DHRSX: variants seen among roughly 807,000 people sequenced by gnomAD.
DHRSX encodes the protein dehydrogenase/reductase X-linked.
Under a neutral mutation model 34.0 loss-of-function variants are expected in DHRSX, and 31 were observed. The ratio of observed to expected loss-of-function variants is 0.91; its 90% confidence interval spans 0.69 to 1.23. The LOEUF (loss-of-function observed/expected upper bound fraction) is 1.23, where lower values mean the gene tolerates loss of function less well. DHRSX is among the 50% of genes most tolerant of loss of function. The pLI is 0.00. For synonymous variants in DHRSX, 201 were observed against 183.8 expected, an observed-to-expected ratio of 1.09 and a Z score of -0.76; for missense variants, 414 against 428.1, an observed-to-expected ratio of 0.97 and a Z score of 0.29.
chrX:2,366,421 C>T (rs1214196128), intron 3 of DHRSX, among the ~76,000 whole-genome samples: 2 of 149,524 alleles, frequency 1.3e-5, no homozygotes. Flanking sequence ...GCCTGGGCAA[C>T]AAGAGCGAAA....
chrX:2,475,169 G>A (rs962074290), intron 1 of DHRSX, among the ~76,000 whole-genome samples: 1 of 151,716 alleles, frequency 6.6e-6, no homozygotes, highest in African/African-American at 2.4e-5. Flanking sequence ...ATGTGGCTAA[G>A]GGACCTCCGC....
At chrX:2,347,960 T>C (rs1036383663) in intron 3 of DHRSX, among the ~76,000 whole-genome samples, 6 of 152,108 alleles carry the variant, frequency 3.9e-5, no homozygotes, top group Non-Finnish European at 8.8e-5. Context: ...TCTGCTTCAC[T>C]ATAGAGCTGC....
intron 2 of DHRSX, 106 bp downstream of exon 2, chrX:2,425,091 G>A: frequency 3.6e-6 from 3 of 835,720 alleles, no homozygotes; most frequent in Admixed American, 2.3e-5. Context: ...AGTGAGCCAA[G>A]ATTGCACCAC....
At chrX:2,428,023 CAT>C (rs1292600519) in intron 1 of DHRSX, among the ~76,000 whole-genome samples, 6 of 152,164 alleles carry the variant, frequency 3.9e-5, no homozygotes, top group Admixed American at 6.5e-5. Flanking sequence ...TCAAGTACCA[CAT>C]GTTATCCCTT....
intron 1 of DHRSX, among the ~76,000 whole-genome samples, chrX:2,445,110 T>G (rs981029610): frequency 6.6e-6 from 1 of 152,056 alleles, no homozygotes; most frequent in East Asian, 1.9e-4. Flanking sequence ...TGAGCCAAGA[T>G]CGCACCACTG....
At chrX:2,269,825 A>T (rs971818083) in intron 4 of DHRSX, among the ~76,000 whole-genome samples, 1 of 152,008 alleles carries the variant, frequency 6.6e-6, no homozygotes, top group African/African-American at 2.4e-5. Flanking sequence ...CAGGCGTGAG[A>T]CACTGCACCC....
chrX:2,286,088 G>A (rs1397876054), intron 4 of DHRSX, among the ~76,000 whole-genome samples: 1 of 149,738 alleles, frequency 6.7e-6, no homozygotes, highest in African/African-American at 2.5e-5. Context: ...CATTCTCAAC[G>A]CTGACTGTGT....
At chrX:2,319,578 T>G (rs761371030) in intron 3 of DHRSX, among the ~76,000 whole-genome samples, 42 of 150,926 alleles carry the variant, frequency 2.8e-4, no homozygotes, top group South Asian at 6.3e-4. Context: ...AAGACCTTTA[T>G]GATGATCTAC....
At chrX:2,248,787 G>C (rs772286562) in intron 5 of DHRSX, among the ~76,000 whole-genome samples, 3 of 152,086 alleles carry the variant, frequency 2.0e-5, no homozygotes, top group Non-Finnish European at 2.9e-5. Flanking sequence ...ATCTAGACAG[G>C]CCTGTCTGTT....
intron 3 of DHRSX, among the ~76,000 whole-genome samples, chrX:2,339,385 C>T (rs940984871): frequency 1.4e-4 from 22 of 151,940 alleles, no homozygotes; most frequent in East Asian, 7.7e-4. Context: ...GTAATCCGCT[C>T]GCCTCAGCCT....
At chrX:2,474,181 T>A (rs1317388665) in intron 1 of DHRSX, among the ~76,000 whole-genome samples, 1 of 151,982 alleles carries the variant, frequency 6.6e-6, no homozygotes, top group Non-Finnish European at 1.5e-5. Context: ...ATCGCCACCG[T>A]GTACGAACTG....
intron 1 of DHRSX, among the ~76,000 whole-genome samples, chrX:2,452,134 C>T (rs7885495): frequency 0.46 from 68,741 of 150,778 alleles, 18,454 homozygotes; most frequent in African/African-American, 0.75. Flanking sequence ...CAAGGGACTG[C>T]CGCCGTGTAC....
chrX:2,283,425 C>T lies in DHRSX; in HGVS notation c.388+8077G>A, dbSNP rs191860766. Among the ~76,000 whole-genome samples, 20 of 152,236 alleles carry T rather than the reference C, an allele frequency of 1.3e-4. No individual in the cohort carries two copies. In the East Asian group the frequency reaches 2.5e-3, roughly 19 times the overall value. On this transcript the variant is annotated intron_variant, in intron 4 of 6. Coordinates refer to ENST00000334651, the MANE Select transcript of DHRSX (RefSeq NM_145177.3). ...AGGCACGCAGAATAAATGGTCTACA[C>T]CTGTGCAGACTCAAGGATCCGCTGA...
At chrX:2,344,462 A>G (rs933456757) in intron 3 of DHRSX, among the ~76,000 whole-genome samples, 3 of 151,992 alleles carry the variant, frequency 2.0e-5, no homozygotes, top group Non-Finnish European at 4.4e-5. Flanking sequence ...ATCCAGAACC[A>G]GAAATACTAT....
chrX:2,333,019 TG>T (rs1468901264), intron 3 of DHRSX, among the ~76,000 whole-genome samples: 1 of 152,150 alleles, frequency 6.6e-6, no homozygotes, highest in African/African-American at 2.4e-5. Flanking sequence ...AAGAAATAGG[TG>T]ATGGGCCTTT....
intron 1 of DHRSX, among the ~76,000 whole-genome samples, chrX:2,438,844 A>G (rs1180516877): frequency 2.0e-5 from 3 of 152,060 alleles, no homozygotes; most frequent in Admixed American, 6.6e-5. Context: ...ACAGCAAAGC[A>G]TCAACAAAGA....
At position 2,408,655 on chromosome X, in the gene DHRSX, C is replaced by T. The variant is rs191055448; in HGVS notation, c.286+90G>A. The stretch of plus-strand genomic sequence containing the variant: ...CATCTCTCCCAAATGCCACCTGGCA[C>T]GTGACTGAAGCTCAGCCATGAACCA... On this transcript the variant is annotated intron_variant, in intron 3 of 6. Coordinates refer to ENST00000334651, the MANE Select transcript of DHRSX (RefSeq NM_145177.3). 46 of 1,172,032 alleles carry T rather than the reference C, an allele frequency of 3.9e-5. No individual in the cohort carries two copies. The East Asian group carries it at 8.0e-4, about 20-fold the overall frequency. The allele number at this position is 1,172,032 out of a possible 1,614,324, so 72.6% of individuals were successfully genotyped here.
intron 1 of DHRSX, among the ~76,000 whole-genome samples, chrX:2,433,864 TC>T (rs1422742074): frequency 6.6e-6 from 1 of 152,144 alleles, no homozygotes; most frequent in African/African-American, 2.4e-5. Flanking sequence ...AAGCTCCACC[TC>T]CCGGGTTCAC....
At chrX:2,497,557 G>C (rs2045314953) in intron 1 of DHRSX, among the ~76,000 whole-genome samples, 1 of 152,058 alleles carries the variant, frequency 6.6e-6, no homozygotes, top group Non-Finnish European at 1.5e-5. Context: ...TTTGTAAGTG[G>C]GCCAGTTGGC....
Sources: allele counts gnomAD v4.1 joint callset (sites outside exome capture counted in the v4.1 genomes callset), GRCh38; gene constraint gnomAD v4.1.1; transcripts MANE v1.5; gene names NCBI Gene and HGNC (gene_info 2026-07-23, HGNC 2026-07-21).